Variants in FBXL4 observed in about 807,000 individuals in gnomAD.
FBXL4 encodes F-box and leucine rich repeat protein 4, also known as F-box/LRR-repeat protein 4.
In FBXL4, 40 loss-of-function variants were observed where a neutral mutation model predicts 58.9. That is an observed-to-expected ratio of 0.68 (90% confidence interval 0.53 to 0.88). The LOEUF is 0.88. Ranked by LOEUF, FBXL4 falls within the 40% of genes least tolerant of loss-of-function variation. The pLI, the probability that FBXL4 is intolerant of heterozygous loss-of-function variation, is 0.00. For missense variants in FBXL4, 676 were observed against 734.4 expected, an observed-to-expected ratio of 0.92 and a Z score of 0.92; for synonymous variants, 263 against 265.5, an observed-to-expected ratio of 0.99 and a Z score of 0.09.
chr6:98,900,136 A>C (rs1771552376), intron 6 of FBXL4, among the ~76,000 whole-genome samples: 1 of 152,220 alleles, frequency 6.6e-6, no homozygotes, highest in Non-Finnish European at 1.5e-5. Flanking sequence ...CAGAGTAGTT[A>C]CCACAATATT....
chr6:98,938,997 C>T (rs1773327341), intron 1 of FBXL4, among the ~76,000 whole-genome samples: 1 of 149,110 alleles, frequency 6.7e-6, no homozygotes, highest in Admixed American at 6.7e-5. Context: ...ACTGTTTCCA[C>T]CTCAGGAGGC....
At chr6:98,940,809 G>A (rs72627760) in intron 1 of FBXL4, among the ~76,000 whole-genome samples, 3,118 of 152,056 alleles carry the variant, frequency 0.021, 176 homozygotes, top group East Asian at 0.19. Context: ...ACATATTACC[G>A]AAGAGCAAGA....
intron 5 of FBXL4, among the ~76,000 whole-genome samples, chr6:98,914,311 T>C (rs1484431246): frequency 2.0e-5 from 3 of 152,214 alleles, no homozygotes; most frequent in Admixed American, 6.5e-5. Context: ...CCCTAACTCA[T>C]TTTATGAGGC....
chr6:98,893,392 C>T (rs1024967863), intron 7 of FBXL4, among the ~76,000 whole-genome samples: 2 of 147,336 alleles, frequency 1.4e-5, no homozygotes, highest in East Asian at 1.9e-4. Context: ...TGGCTTGTAG[C>T]GGGTCATCTT....
At chr6:98,913,844 A>T (rs1229098094) in intron 5 of FBXL4, among the ~76,000 whole-genome samples, 6 of 152,154 alleles carry the variant, frequency 3.9e-5, no homozygotes. Flanking sequence ...ATAGAGACAT[A>T]AAAAAACCCT....
intron 9 of FBXL4, chr6:98,875,169 T>A (rs1452042556): frequency 1.0e-5 from 5 of 485,986 alleles, no homozygotes; most frequent in Non-Finnish European, 1.8e-5. Context: ...CAAGAATTAA[T>A]GGTTATAGTT....
chr6:98,878,807 C>A (rs1223791859), intron 8 of FBXL4, among the ~76,000 whole-genome samples: 2 of 152,020 alleles, frequency 1.3e-5, no homozygotes, highest in African/African-American at 4.8e-5. Flanking sequence ...TAAGGAAGAT[C>A]CAAGTGGCAG....
chr6:98,912,860 C>T (rs1173141389), intron 5 of FBXL4, among the ~76,000 whole-genome samples: 2 of 151,752 alleles, frequency 1.3e-5, no homozygotes, highest in Non-Finnish European at 2.9e-5. Context: ...CTAAATGCTC[C>T]AATTAAAAGA....
At chr6:98,929,182 C>T (rs2128407018) in intron 2 of FBXL4, among the ~76,000 whole-genome samples, 1 of 152,182 alleles carries the variant, frequency 6.6e-6, no homozygotes, top group South Asian at 2.1e-4. Context: ...CAAACAGATC[C>T]AAACACAATG....
intron 7 of FBXL4, chr6:98,897,341 CA>C: frequency 1.0e-6 from 1 of 984,982 alleles, no homozygotes; most frequent in Non-Finnish European, 1.2e-6. Context: ...CACCACAGAC[CA>C]ATGAAAACAC....
At chr6:98,941,275 T>A (rs1005402649) in intron 1 of FBXL4, among the ~76,000 whole-genome samples, 2 of 151,596 alleles carry the variant, frequency 1.3e-5, no homozygotes, top group Admixed American at 1.3e-4. Context: ...TATAGATGAA[T>A]CTTAAAATGC....
rs1772226947 is a variant in FBXL4, at chr6:98,914,165, C to A, written c.858+3209G>T. 2.0e-5 allele frequency among the ~76,000 whole-genome samples: 3 copies of A among 152,106 alleles called. No homozygotes were observed. The South Asian group carries it at 6.2e-4, about 31-fold the overall frequency. ...CCAATAACAGGATCTGAAATTGTGG[C>A]AATAATCAACAGCTTACCAACCAAA... On this transcript the variant is annotated intron_variant, in intron 5 of 9. Coordinates refer to ENST00000369244, the MANE Select transcript of FBXL4 (RefSeq NM_001278716.2).
At chr6:98,893,962 C>G (rs1384762096) in intron 7 of FBXL4, among the ~76,000 whole-genome samples, 1 of 152,144 alleles carries the variant, frequency 6.6e-6, no homozygotes, top group Non-Finnish European at 1.5e-5. Context: ...ACTGTAGCCT[C>G]GACCTCCTGG....
At chr6:98,942,607 T>C (rs1405138133) in intron 1 of FBXL4, among the ~76,000 whole-genome samples, 1 of 152,094 alleles carries the variant, frequency 6.6e-6, no homozygotes, top group African/African-American at 2.4e-5. Flanking sequence ...TGATTGTAAA[T>C]TTCCTGAGGC....
intron 1 of FBXL4, among the ~76,000 whole-genome samples, chr6:98,940,088 T>C (rs1379204185): frequency 6.6e-6 from 1 of 152,242 alleles, no homozygotes; most frequent in Non-Finnish European, 1.5e-5. Context: ...TGACTACCTT[T>C]TGAAAAAGTT....
chr6:98,939,493 T>C (rs1180264238), intron 1 of FBXL4, among the ~76,000 whole-genome samples: 2 of 152,214 alleles, frequency 1.3e-5, no homozygotes, highest in East Asian at 1.9e-4. Context: ...ATTTTCAATA[T>C]GAGATAAAGT....
At chr6:98,928,633 A>G (rs1772885138) in intron 2 of FBXL4, among the ~76,000 whole-genome samples, 1 of 152,010 alleles carries the variant, frequency 6.6e-6, no homozygotes, top group African/African-American at 2.4e-5. Context: ...CCCTGCCCCA[A>G]CTTTTCTTTA....
intron 1 of FBXL4, among the ~76,000 whole-genome samples, chr6:98,947,477 G>A (rs1009535620): frequency 6.6e-6 from 1 of 152,258 alleles, no homozygotes; most frequent in African/African-American, 2.4e-5. Context: ...GCGCGGGTGT[G>A]GGGCGACCCG....
intron 1 of FBXL4, among the ~76,000 whole-genome samples, chr6:98,936,145 T>C (rs561490069): frequency 4.6e-5 from 7 of 152,324 alleles, no homozygotes; most frequent in African/African-American, 1.7e-4. Flanking sequence ...AAATAGCAAC[T>C]AATTAAAATG....
Sources: allele counts gnomAD v4.1 joint callset (sites outside exome capture counted in the v4.1 genomes callset), GRCh38; gene constraint gnomAD v4.1.1; transcripts MANE v1.5; gene names NCBI Gene and HGNC (gene_info 2026-07-23, HGNC 2026-07-21).